ABCA13: variants seen among roughly 807,000 people sequenced by gnomAD.
ABCA13 encodes ATP binding cassette subfamily A member 13, also known as ATP-binding cassette sub-family A member 13.
A neutral mutation model predicts 478.7 loss-of-function variants in ABCA13; 476 were observed. The ratio of observed to expected loss-of-function variants is 0.99; its 90% CI spans 0.92 to 1.07. ABCA13 has a LOEUF of 1.07. Ranked by LOEUF, ABCA13 falls within the 50% of genes least tolerant of loss-of-function variation. ABCA13 has a pLI of 0.00. For missense variants in ABCA13, 6,060 were observed against 5,910.6 expected, an observed-to-expected ratio of 1.03 and a Z score of -0.83; for synonymous variants, 2,252 against 2,158.9, an observed-to-expected ratio of 1.04 and a Z score of -1.20.
chr7:48,248,160 C>T, intron 13 of ABCA13, 79 bp from the exon 14 acceptor site: 1 of 1,215,772 alleles, frequency 8.2e-7, no homozygotes, highest in Non-Finnish European at 1.2e-6. Context: ...TTTAGTGATA[C>T]AGGGTCAAGG....
chr7:48,201,203 G>A (rs917121698), intron 3 of ABCA13, among the ~76,000 whole-genome samples: 5 of 152,170 alleles, frequency 3.3e-5, no homozygotes, highest in African/African-American at 1.2e-4. Flanking sequence ...CGGTTTCCGT[G>A]AATTTCCTTG....
chr7:48,604,381 T>G lies in ABCA13; in HGVS notation c.14744+9568T>G, dbSNP rs562536073. On this transcript the variant is annotated intron_variant, in intron 58 of 61. Coordinates refer to ENST00000435803, the MANE Select transcript of ABCA13 (RefSeq NM_152701.5). ...TTGTGGGCATTTAGTGCTATAAATT[T>G]CCCTCTACACACGGCTTTAAATGTG... 9.8e-5 allele frequency among the ~76,000 whole-genome samples: 15 copies of G among 152,324 alleles called. No individual in the cohort carries two copies. The South Asian group carries it at 3.1e-3, about 32-fold the overall frequency.
chr7:48,315,308 T>C (rs1802408724), intron 26 of ABCA13, among the ~76,000 whole-genome samples: 1 of 152,202 alleles, frequency 6.6e-6, no homozygotes, highest in South Asian at 2.1e-4. Context: ...GTAGGTCACA[T>C]GTCGGGATTT....
chr7:48,288,137 GC>G, intron 20 of ABCA13, 59 bp downstream of exon 20: 2 of 1,454,632 alleles, frequency 1.4e-6, no homozygotes, highest in African/African-American at 2.8e-5. Context: ...CCCTTGCAAG[GC>G]AGTCCAGTTA....
Position 48,276,448 on chromosome 7 carries a change from T to C in ABCA13, c.6782T>C (p.Val2261Ala). ...ACAGTTCTCTCTCTGAGAAGCATAG[T>C]AGATTTCACAGAACAGTTTTTGAAA... is the stretch of plus-strand genomic sequence containing the variant. The part of the protein sequence containing the change: ...RKTVLSLRSI[V>A]DFTEQFLKTF... The change falls in exon 17 of 62, where the codon GTA becomes GCA. Residue 2261 changes from valine to alanine, a missense_variant. By Grantham distance (64) the Val-to-Ala change is moderately conservative (BLOSUM62 0). Coordinates refer to ENST00000435803, the MANE Select transcript of ABCA13 (RefSeq NM_152701.5). The C allele has an allele frequency of 6.3e-7, 1 of 1,592,300 alleles. No homozygotes were observed. The highest frequency in any genetic ancestry group is 2.2e-5 in the East Asian group (1 of 44,700).
chr7:48,474,433 T>G lies in ABCA13; in HGVS notation c.12975+2834T>G, dbSNP rs141759626. ...GAAATTAGATGATTCTCCTGGAATT[T>G]GAGTGAGCCCGAAAGTCAGGCATTA... On this transcript the variant is annotated intron_variant, in intron 45 of 61. Coordinates refer to ENST00000435803, the MANE Select transcript of ABCA13 (RefSeq NM_152701.5). 7.7e-3 allele frequency among the ~76,000 whole-genome samples: 1,172 copies of G among 152,252 alleles called. 13 individuals carry two copies. The highest frequency in any genetic ancestry group is 0.027 in the African/African-American group (1,120 of 41,548).
At chr7:48,297,779 TTTCTTTC>T (rs1443342680) in intron 22 of ABCA13, among the ~76,000 whole-genome samples, 2 of 137,122 alleles carry the variant, frequency 1.5e-5, no homozygotes, top group Admixed American at 7.3e-5. Context: ...TCTTTCTTTC[TTTCTTTC>T]TTTTTTTTTT....
chr7:48,599,395 T>A (rs1485978380), intron 58 of ABCA13, among the ~76,000 whole-genome samples: 2 of 152,006 alleles, frequency 1.3e-5, no homozygotes, highest in African/African-American at 4.8e-5. Flanking sequence ...AAACACCATA[T>A]TTTAATTGTT....
At chr7:48,600,912 T>G (rs1326403380) in intron 58 of ABCA13, among the ~76,000 whole-genome samples, 1 of 152,204 alleles carries the variant, frequency 6.6e-6, no homozygotes, top group Non-Finnish European at 1.5e-5. Flanking sequence ...CTCAAATACT[T>G]TTTCTGGTCC....
chr7:48,271,728 T>A, intron 16 of ABCA13, 59 bp from the exon 17 acceptor site: 1 of 1,086,178 alleles, frequency 9.2e-7, no homozygotes. Flanking sequence ...AACTTGGAAA[T>A]TTGATAAATC....
intron 26 of ABCA13, among the ~76,000 whole-genome samples, chr7:48,314,883 C>T (rs11768357): frequency 0.4 from 61,210 of 151,880 alleles, 12,673 homozygotes; most frequent in East Asian, 0.61. Flanking sequence ...GAATATGCCA[C>T]GATAGGTACA....
At chr7:48,467,564 A>G (rs1023569438) in intron 44 of ABCA13, among the ~76,000 whole-genome samples, 3 of 152,120 alleles carry the variant, frequency 2.0e-5, no homozygotes, top group Middle Eastern at 3.2e-3. Context: ...TGGATAGGGG[A>G]GGCCTTTCTT....
intron 13 of ABCA13, among the ~76,000 whole-genome samples, chr7:48,246,988 A>C (rs1791796945): frequency 6.6e-6 from 1 of 152,100 alleles, no homozygotes; most frequent in African/African-American, 2.4e-5. Flanking sequence ...TAGTCCCAGC[A>C]CTTTGGGAGG....
intron 29 of ABCA13, among the ~76,000 whole-genome samples, chr7:48,343,380 TGGGTG>T (rs1807542253): frequency 6.6e-6 from 1 of 152,070 alleles, no homozygotes; most frequent in African/African-American, 2.4e-5. Context: ...ATTCCCTATT[TGGGTG>T]GGGTGGGGAT....
chr7:48,283,390 C>T (rs996168851), intron 19 of ABCA13, among the ~76,000 whole-genome samples: 1 of 151,926 alleles, frequency 6.6e-6, no homozygotes, highest in African/African-American at 2.4e-5. Flanking sequence ...AAAGTATGGC[C>T]ATGAGGGTGA....
intron 48 of ABCA13, among the ~76,000 whole-genome samples, chr7:48,499,489 G>C (rs1157945527): frequency 6.6e-6 from 1 of 152,132 alleles, no homozygotes; most frequent in Non-Finnish European, 1.5e-5. Flanking sequence ...TATCATAATG[G>C]ATATTGGACA....
intron 27 of ABCA13, among the ~76,000 whole-genome samples, chr7:48,331,052 T>G: frequency 6.6e-6 from 1 of 152,100 alleles, no homozygotes; most frequent in East Asian, 1.9e-4. Flanking sequence ...AAGGTCTGAA[T>G]AAGGAGGGAA....
intron 55 of ABCA13, among the ~76,000 whole-genome samples, chr7:48,574,298 G>A (rs35896585): frequency 0.095 from 14,421 of 152,012 alleles, 1,167 homozygotes; most frequent in African/African-American, 0.22. Flanking sequence ...TACTAAATAC[G>A]TTTTTTAAAG....
chr7:48,481,413 A>C (rs926134025), intron 46 of ABCA13, among the ~76,000 whole-genome samples: 18 of 152,340 alleles, frequency 1.2e-4, no homozygotes, highest in Middle Eastern at 6.8e-3. Context: ...AACAAACAAA[A>C]AAAATTCCAC....
Sources: gnomAD v4.1 joint callset for allele counts (sites outside exome capture counted in the v4.1 genomes callset) on GRCh38, gnomAD v4.1.1 for gene constraint, MANE v1.5 for transcripts, NCBI Gene and HGNC (gene_info 2026-07-23, HGNC 2026-07-21) for gene names.